Variants in PCDHGA7 observed in about 807,000 individuals in gnomAD.
PCDHGA7 encodes protocadherin gamma subfamily A, 7, also known as protocadherin gamma-A7.
Under a neutral mutation model 58.3 loss-of-function variants are expected in PCDHGA7, and 44 were observed. That is an observed-to-expected ratio of 0.75 (90% CI 0.59 to 0.97). PCDHGA7 has a LOEUF of 0.97. PCDHGA7 is among the 50% of genes least tolerant of loss of function. The probability of loss-of-function intolerance (pLI) is 0.00; values close to 1 mark genes in which losing one functional copy is unlikely to be tolerated. For missense variants in PCDHGA7, 1,266 were observed against 1,188.7 expected (o/e 1.06, Z -0.96); for synonymous variants, 516 against 504.2 (o/e 1.02, Z -0.31).
intron 1 of PCDHGA7, among the ~76,000 whole-genome samples, chr5:141,460,979 GTGTGTATATA>G (rs143444831): frequency 0.04 from 5,417 of 134,264 alleles, 125 homozygotes; most frequent in South Asian, 0.082. Context: ...GTGTGTGTGT[GTGTGTATATA>G]TATATATGTG....
At chr5:141,392,791 G>C in intron 1 of PCDHGA7, 6 of 1,557,838 alleles carry the variant, frequency 3.9e-6, no homozygotes, top group Admixed American at 2.0e-5. Context: ...AAGATTCTGA[G>C]AGGATTCTGC....
At chr5:141,497,745 G>C (rs1475395529) in intron 2 of PCDHGA7, among the ~76,000 whole-genome samples, 1 of 152,070 alleles carries the variant, frequency 6.6e-6, no homozygotes, top group Non-Finnish European at 1.5e-5. Flanking sequence ...CGCCACGTTG[G>C]CCAGGCTGGT....
intron 3 of PCDHGA7, among the ~76,000 whole-genome samples, chr5:141,507,500 A>G (rs2099861039): frequency 6.6e-6 from 1 of 152,206 alleles, no homozygotes; most frequent in Admixed American, 6.5e-5. Flanking sequence ...GAGCTGTCCC[A>G]GGTCTGGTGG....
chr5:141,489,260 CACA>C lies in PCDHGA7; in HGVS notation c.2425-5546_2425-5544del, dbSNP rs1242559724. 1 of 1,552,022 alleles carries C rather than the reference CACA, an allele frequency of 6.4e-7. No individual in the cohort carries two copies. Among genetic ancestry groups the C allele is most frequent in the Non-Finnish European group, 8.7e-7 (1 of 1,149,038 alleles). ...TGGGTCATGGGGCCCAAGACACTCCCACAGCTCGCTGGGAAATGGCAAGTGCTG... is the reference window on the plus strand; with the variant it reads ...TGGGTCATGGGGCCCAAGACACTCCCGCTCGCTGGGAAATGGCAAGTGCTG... On this transcript the variant is annotated intron_variant, in intron 1 of 3. Coordinates refer to ENST00000518325, the MANE Select transcript of PCDHGA7 (RefSeq NM_018920.4). The surrounding 1 kb of genome is among the most constrained non-coding windows in gnomAD (Gnocchi z 4.5).
chr5:141,495,434 G>A (rs1038100521), intron 2 of PCDHGA7, among the ~76,000 whole-genome samples: 2 of 152,196 alleles, frequency 1.3e-5, no homozygotes, highest in Non-Finnish European at 2.9e-5. Flanking sequence ...ACTGTCCTCT[G>A]CCCCTACTTG....
Position 141,383,820 on chromosome 5 carries a change from A to T in PCDHGA7, c.921A>T (p.Leu307Phe). The T allele has an allele frequency of 6.2e-7, 1 of 1,613,924 alleles. No homozygotes were observed. Among genetic ancestry groups the T allele is most frequent in the East Asian group, 2.2e-5 (1 of 44,888 alleles). The change falls in exon 1 of 4, where the codon TTA becomes TTT. Residue 307 changes from leucine (L) to phenylalanine (F), a missense_variant. Coordinates refer to ENST00000518325, the MANE Select transcript of PCDHGA7 (RefSeq NM_018920.4). ...LTGEISTLEG[L>F]DYEETAFYEM... ...GAGAAATATCAACTTTAGAAGGATT[A>T]GATTATGAAGAAACTGCCTTCTATG...
At chr5:141,408,438 C>T (rs749271632) in intron 1 of PCDHGA7, 1 of 1,614,014 alleles carries the variant, frequency 6.2e-7, no homozygotes. Context: ...AGCGTAGACG[C>T]GGAGAGCGGG....
At chr5:141,407,535 T>C (rs1471174995) in intron 1 of PCDHGA7, among the ~76,000 whole-genome samples, 1 of 151,840 alleles carries the variant, frequency 6.6e-6, no homozygotes, top group Non-Finnish European at 1.5e-5. Context: ...TTATTGTGCA[T>C]TGGTAACAGA....
At chr5:141,427,461 G>A (rs1397917549) in intron 1 of PCDHGA7, 1 of 497,998 alleles carries the variant, frequency 2.0e-6, no homozygotes, top group Admixed American at 2.3e-5. Context: ...TTTTAGAATC[G>A]AATCTTCCGC....
chr5:141,393,508 T>C, intron 1 of PCDHGA7: 1 of 1,614,010 alleles, frequency 6.2e-7, no homozygotes, highest in Non-Finnish European at 8.5e-7. Context: ...CACGTGACAG[T>C]GTTGGATACA....
chr5:141,398,890 G>A (rs763743728), intron 1 of PCDHGA7: 1 of 1,613,920 alleles, frequency 6.2e-7, no homozygotes, highest in East Asian at 2.2e-5. Context: ...TCGGGAAAAC[G>A]TGCCACCAGG....
chr5:141,420,415 T>A, intron 1 of PCDHGA7: 1 of 1,217,296 alleles, frequency 8.2e-7, no homozygotes, highest in Non-Finnish European at 1.1e-6. Context: ...TTATCATTAT[T>A]AAAACAAAAG....
In PCDHGA7 at chr5:141,383,314, A is replaced by C. The variant is rs1362079173; in HGVS notation, c.415A>C (p.Asn139His). The C allele has an allele frequency of 2.5e-6, 4 of 1,613,886 alleles. No homozygotes were observed. Among genetic ancestry groups the C allele is most frequent in the Non-Finnish European group, 8.5e-7 (1 of 1,179,904 alleles). ...NVPRFLTEEI[N>H]VKIMENTAPG... is the part of the protein sequence containing the mutation. ...TCCAAGATTCTTGACGGAAGAAATA[A>C]ATGTAAAAATAATGGAGAATACAGC... The change falls in exon 1 of 4, where the codon AAT becomes CAT. Residue 139 changes from asparagine to histidine, a missense_variant. Coordinates refer to ENST00000518325, the MANE Select transcript of PCDHGA7 (RefSeq NM_018920.4).
chr5:141,395,403 A>C (rs1383871945), intron 1 of PCDHGA7: 7 of 849,376 alleles, frequency 8.2e-6, no homozygotes, highest in Non-Finnish European at 1.2e-5. Context: ...TCTAATAGTC[A>C]TAGGTTATTG....
At chr5:141,492,197 TA>T (rs2099738125) in intron 1 of PCDHGA7, among the ~76,000 whole-genome samples, 1 of 152,200 alleles carries the variant, frequency 6.6e-6, no homozygotes, top group African/African-American at 2.4e-5. Flanking sequence ...CTGCGGGACT[TA>T]GGTGTGCGCG....
Position 141,489,465 on chromosome 5 carries a change from T to C in PCDHGA7, c.2425-5342T>C. On this transcript the variant is annotated intron_variant, in intron 1 of 3. Transcript: ENST00000518325. The surrounding 1 kb of genome is among the most constrained non-coding windows in gnomAD (Gnocchi z 4.5). The stretch of plus-strand genomic sequence containing the variant: ...GCTCTGAGGAGAATGGGCGCTATTT[T>C]TCCCTGAGCTTGATGAGTGGTGCCC... The C allele has an allele frequency of 1.2e-6, 2 of 1,614,082 alleles. No homozygotes were observed. The highest frequency in any genetic ancestry group is 1.3e-5 in the African/African-American group (1 of 75,042).
At chr5:141,430,818 T>G (rs1240970813) in intron 1 of PCDHGA7, 2 of 1,540,582 alleles carry the variant, frequency 1.3e-6, no homozygotes, top group Non-Finnish European at 1.7e-6. Flanking sequence ...GGAATCCTCC[T>G]GGGGACTCTG....
rs1459980689 is a variant in PCDHGA7 at position 141,382,975 on chromosome 5, G to A, written c.76G>A (p.Ala26Thr). The part of the protein sequence containing the change: ...LSILLGTPWE[A>T]WAGRILYSVS... ...CATCCTCCTGGGGACCCCCTGGGAA[G>A]CCTGGGCAGGACGTATTCTCTACTC... Residue 26 changes from alanine to threonine, a missense_variant, in exon 1 of 4, where the codon GCC becomes ACC. By Grantham distance (58) the Ala-to-Thr change is moderately conservative. Transcript: ENST00000518325. 6.2e-7 allele frequency: 1 copy of A among 1,610,700 alleles called. No individual in the cohort carries two copies.
intron 1 of PCDHGA7, among the ~76,000 whole-genome samples, chr5:141,458,101 G>C (rs530847477): frequency 3.3e-5 from 5 of 152,200 alleles, no homozygotes; most frequent in Non-Finnish European, 7.4e-5. Flanking sequence ...AGTACTTACA[G>C]ATAGTCTCCA....
Sources: allele counts gnomAD v4.1 joint callset (sites outside exome capture counted in the v4.1 genomes callset), GRCh38; gene constraint gnomAD v4.1.1; non-coding constraint Gnocchi (gnomAD v3.1); transcripts MANE v1.5; gene names NCBI Gene and HGNC (gene_info 2026-07-23, HGNC 2026-07-21).